Variants in TRRAP observed in about 807,000 individuals in gnomAD.
The protein encoded by TRRAP is transformation/transcription domain-associated protein.
Under a neutral mutation model 438.8 loss-of-function variants are expected in TRRAP, and 41 were observed. The observed-to-expected ratio is 0.09, with a 90% CI of 0.07 to 0.12. The LOEUF (loss-of-function observed/expected upper bound fraction) is 0.12, where lower values mean the gene tolerates loss of function less well. Ranked by LOEUF, TRRAP falls within the 10% of genes least tolerant of loss-of-function variation. The pLI, the probability that TRRAP is intolerant of heterozygous loss-of-function variation, is 1.00. For missense variants in TRRAP, 3,122 were observed against 5,055.1 expected, an observed-to-expected ratio of 0.62 and a Z score of 11.60; for synonymous variants, 1,994 against 1,962.9, an observed-to-expected ratio of 1.02 and a Z score of -0.42.
intron 20 of TRRAP, among the ~76,000 whole-genome samples, chr7:98,920,180 T>TA (rs1789714812): frequency 6.6e-6 from 1 of 152,002 alleles, no homozygotes. Flanking sequence ...TTTAAGAAAA[T>TA]AGATTTATGG....
intron 69 of TRRAP, 98 bp from the exon 70 acceptor site, chr7:99,008,279 C>A: frequency 7.7e-7 from 1 of 1,290,632 alleles, no homozygotes; most frequent in Non-Finnish European, 1.1e-6. Flanking sequence ...GCATACAGAG[C>A]CGGGTCAGCT....
intron 12 of TRRAP, 64 bp from the exon 13 acceptor site, chr7:98,906,113 A>C: frequency 6.8e-7 from 1 of 1,477,188 alleles, no homozygotes; most frequent in Non-Finnish European, 9.4e-7. Flanking sequence ...AAAGCACTGT[A>C]AAGTAATTTA....
At chr7:98,959,936 T>TA (rs780800568) in intron 45 of TRRAP, among the ~76,000 whole-genome samples, 6,277 of 112,472 alleles carry the variant, frequency 0.056, 198 homozygotes, top group African/African-American at 0.1. Context: ...CCTGGTCTCT[T>TA]AAAAAAAAAA....
Position 98,997,443 on chromosome 7 carries a change from A to G in TRRAP, c.10309+2595A>G, listed in dbSNP as rs143988573. Among the ~76,000 whole-genome samples the G allele has an allele frequency of 7.5e-3, 1,037 of 138,946 alleles. 13 individuals carry two copies. The highest frequency in any genetic ancestry group is 0.025 in the African/African-American group (989 of 38,816). The allele number at this position is 138,946 out of a possible 152,430, so 91.2% of individuals were successfully genotyped here. A position where few individuals can be genotyped will look rare whatever the true frequency, so the allele number is the denominator to read the frequency against. On this transcript the variant is annotated intron_variant, in intron 67 of 72. Transcript: ENST00000456197. ...GGCAACAAAATCCAGAAAAAGGAGT[A>G]GGTATCAGTCCAAAATTATCACCCA...
chr7:98,899,367 G>T, intron 8 of TRRAP, 55 bp from the exon 9 acceptor site: 1 of 1,491,718 alleles, frequency 6.7e-7, no homozygotes, highest in Non-Finnish European at 9.4e-7. Flanking sequence ...CACTGGTGGG[G>T]GCTATTTTAA....
At chr7:99,002,840 G>A (rs1383789625) in intron 67 of TRRAP, among the ~76,000 whole-genome samples, 4 of 152,188 alleles carry the variant, frequency 2.6e-5, no homozygotes, top group Non-Finnish European at 5.9e-5. Flanking sequence ...GTGTTATCAC[G>A]CGTGGGCAGG....
In TRRAP at chr7:98,967,599, C is replaced by T; in HGVS notation, c.7413C>T (p.Asn2471=). ...IRAKFFEVFD[N]SMKRRVYERL... ...CAAAGTTTTTCGAGGTTTTTGACAA[C>T]TCCATGAAACGTCGTGTCTACGAGC... The change falls in exon 51 of 73, where the codon AAC becomes AAT. Residue 2471 remains asparagine (N), a synonymous_variant. Transcript: ENST00000456197. The T allele has an allele frequency of 6.2e-7, 1 of 1,614,124 alleles. No homozygotes were observed. The highest frequency in any genetic ancestry group is 8.5e-7 in the Non-Finnish European group (1 of 1,180,046).
intron 48 of TRRAP, among the ~76,000 whole-genome samples, 160 bp downstream of exon 48, chr7:98,964,935 A>G (rs1021271680): frequency 1.3e-5 from 2 of 152,224 alleles, no homozygotes; most frequent in Admixed American, 1.3e-4. Context: ...GTAGGGGTTT[A>G]AAAAACAACT....
intron 64 of TRRAP, among the ~76,000 whole-genome samples, chr7:98,991,821 G>A (rs1271413224): frequency 2.0e-5 from 3 of 152,188 alleles, no homozygotes; most frequent in African/African-American, 7.2e-5. Flanking sequence ...GAGATCTGGG[G>A]ACACATGTAT....
In TRRAP at chr7:98,976,440, G is replaced by T. The variant is rs566948088; in HGVS notation, c.7960-43G>T. 1.9e-6 allele frequency: 3 copies of T among 1,587,698 alleles called. No individual in the cohort carries two copies. The South Asian group carries it at 3.3e-5, about 18-fold the overall frequency. ...ATCGAGAGAGACAGCAAGACTTGCC[G>T]ATTTTTGAATGAAGGCCTAAATGAC... is the stretch of plus-strand genomic sequence containing the variant. On this transcript the variant is annotated intron_variant, in intron 54 of 72. Coordinates refer to ENST00000456197, the MANE Select transcript of TRRAP (RefSeq NM_001375524.1). This position sits in a 1 kb window ranked among gnomAD's most constrained non-coding sequence, Gnocchi z 4.6.
chr7:98,961,465 A>G lies in TRRAP; in HGVS notation c.6694A>G (p.Thr2232Ala), dbSNP rs756837656. ...LLSRLMSIFP[T>A]EPSTSSVASK... Reference sequence around the variant, plus strand: ...CTCGCGCCTGATGAGCATTTTCCCAACAGAGCCGAGTATGTGACCTTTCCC... The same window carrying G: ...CTCGCGCCTGATGAGCATTTTCCCAGCAGAGCCGAGTATGTGACCTTTCCC... Residue 2232 changes from threonine to alanine, a missense_variant, in exon 46 of 73, where the codon ACA (threonine) becomes GCA (alanine). Physicochemically the swap from Thr to Ala is moderately conservative, Grantham distance 58 (BLOSUM62 0). This residue lies in a region of TRRAP where 992 missense variants were observed against 1,281.2 expected (regional missense o/e 0.77). Coordinates refer to ENST00000456197, the MANE Select transcript of TRRAP (RefSeq NM_001375524.1). 3.7e-6 allele frequency: 6 copies of G among 1,614,132 alleles called. No individual in the cohort carries two copies. Among genetic ancestry groups the G allele is most frequent in the South Asian group, 1.1e-5 (1 of 91,082 alleles).
intron 67 of TRRAP, chr7:98,999,752 T>TC: frequency 1.5e-6 from 1 of 649,578 alleles, no homozygotes; most frequent in Non-Finnish European, 2.8e-6. Flanking sequence ...AAGCTACTAT[T>TC]CTGGGGGCAC....
In TRRAP at chr7:98,978,191, A is replaced by G; in HGVS notation, c.8386-20A>G. 1 of 1,595,980 alleles carries G rather than the reference A, an allele frequency of 6.3e-7. No individual in the cohort carries two copies. The highest frequency in any genetic ancestry group is 8.6e-7 in the Non-Finnish European group (1 of 1,167,228). ...GTGTTTCTAGTTAAACAGTGATTTA[A>G]AAACATTAACTTTTTTTAGGCACAA... On this transcript the variant is annotated intron_variant, in intron 56 of 72. Coordinates refer to ENST00000456197, the MANE Select transcript of TRRAP (RefSeq NM_001375524.1).
chr7:98,953,128 C>A, intron 39 of TRRAP, 39 bp from the exon 40 acceptor site: 1 of 1,593,496 alleles, frequency 6.3e-7, no homozygotes, highest in Non-Finnish European at 8.5e-7. Context: ...TAACCCAGTT[C>A]ACAACTGGAA....
intron 3 of TRRAP, among the ~76,000 whole-genome samples, chr7:98,884,515 G>T (rs1482413086): frequency 1.3e-5 from 2 of 152,282 alleles, no homozygotes; most frequent in South Asian, 2.1e-4. Flanking sequence ...GATTACAAAC[G>T]TGAGCCACCA....
chr7:98,893,845 G>A lies in TRRAP; in HGVS notation c.414G>A (p.Glu138=). The change falls in exon 6 of 73, where the codon GAG becomes GAA. Residue 138 remains glutamate (E), a synonymous_variant. Transcript: ENST00000456197. ...TTATTTGTCTAAGAATAATTATTGA[G>A]CTACACAAACAGTTCAGGCCACCGA... ...NVLICLRIII[E]LHKQFRPPIT... 2.5e-6 allele frequency: 4 copies of A among 1,613,722 alleles called. No homozygotes were observed. Among genetic ancestry groups the A allele is most frequent in the Non-Finnish European group, 3.4e-6 (4 of 1,179,918 alleles).
At chr7:98,982,725 G>C (rs1414968639) in intron 59 of TRRAP, among the ~76,000 whole-genome samples, 1 of 150,834 alleles carries the variant, frequency 6.6e-6, no homozygotes, top group Non-Finnish European at 1.5e-5. Flanking sequence ...GAATTTAAGG[G>C]TAGTCTACCT....
Position 98,931,401 on chromosome 7 carries a change from G to A in TRRAP, c.3592-4G>A. ...TTTCATTCTAAGACATCCCTGACTT[G>A]CAGGTTTCCAATGGGGCAGTCGCTA... On this transcript the variant is annotated splice_region_variant and splice_polypyrimidine_tract_variant and intron_variant, in intron 25 of 72. Coordinates refer to ENST00000456197, the MANE Select transcript of TRRAP (RefSeq NM_001375524.1). 1 of 1,612,506 alleles carries A rather than the reference G, an allele frequency of 6.2e-7. No individual in the cohort carries two copies. The highest frequency in any genetic ancestry group is 8.5e-7 in the Non-Finnish European group (1 of 1,179,320).
intron 70 of TRRAP, among the ~76,000 whole-genome samples, chr7:99,009,058 C>A (rs1022446233): frequency 6.6e-6 from 1 of 152,154 alleles, no homozygotes; most frequent in Non-Finnish European, 1.5e-5. Flanking sequence ...CCAGCTGTTT[C>A]GGTTGCCTGA....
Sources: gnomAD v4.1 joint callset for allele counts (sites outside exome capture counted in the v4.1 genomes callset) on GRCh38, gnomAD v4.1.1 for gene constraint, gnomAD v4.1.1 regional missense constraint, Gnocchi (gnomAD v3.1) non-coding constraint, MANE v1.5 for transcripts, NCBI Gene and HGNC (gene_info 2026-07-23, HGNC 2026-07-21) for gene names.